GNPDA1: variants seen among roughly 807,000 people sequenced by gnomAD.
GNPDA1 encodes glucosamine-6-phosphate deaminase 1, also known as GNPDA 1.
GNPDA1 carries 24 observed loss-of-function variants against 28.5 expected under a neutral mutation model. The ratio of observed to expected loss-of-function variants is 0.84; its 90% CI spans 0.61 to 1.19. The LOEUF is 1.19. Ranked by LOEUF, GNPDA1 falls within the 50% of genes most tolerant of loss-of-function variation. The pLI is 0.00. For missense variants in GNPDA1, 264 were observed against 367.3 expected (o/e 0.72, Z 2.30); for synonymous variants, 147 against 139.3 (o/e 1.06, Z -0.39).
In GNPDA1 at chr5:142,011,941, T is replaced by C. The variant is rs1245486560; in HGVS notation, c.95A>G (p.Glu32Gly). 6.2e-7 allele frequency: 1 copy of C among 1,613,958 alleles called. No individual in the cohort carries two copies. The highest frequency in any genetic ancestry group is 8.5e-7 in the Non-Finnish European group (1 of 1,179,966). ...NRIIQFNPGP[E>G]KYFTLGLPTG... ...GGGGAGCCCCAGGGTGAAGTACTTC[T>C]CTGGCCCTGGGTTAAACTGGATGAT... Residue 32 changes from glutamate to glycine, a missense_variant, in exon 2 of 7, where the codon GAG becomes GGG. Coordinates refer to ENST00000311337, the MANE Select transcript of GNPDA1 (RefSeq NM_005471.5).
chr5:142,012,109 G>A, intron 1 of GNPDA1, 68 bp from the exon 2 acceptor site: 3 of 1,476,632 alleles, frequency 2.0e-6, no homozygotes. Context: ...GATGGAGGTG[G>A]TGGGAGAAGC....
At chr5:142,007,264 G>A (rs1755831485) in intron 3 of GNPDA1, among the ~76,000 whole-genome samples, 1 of 152,058 alleles carries the variant, frequency 6.6e-6, no homozygotes, top group Non-Finnish European at 1.5e-5. Flanking sequence ...TTTAAAAAAA[G>A]GATGTTTAAA....
intron 2 of GNPDA1, among the ~76,000 whole-genome samples, chr5:142,008,843 A>T (rs1755870534): frequency 6.6e-6 from 1 of 152,238 alleles, no homozygotes; most frequent in Non-Finnish European, 1.5e-5. Flanking sequence ...TTAATTTTTT[A>T]AAAACCAACC....
Position 142,003,105 on chromosome 5 carries a change from G to A in GNPDA1, c.752C>T (p.Thr251Ile). 1 of 1,613,446 alleles carries A rather than the reference G, an allele frequency of 6.2e-7. No homozygotes were observed. Among genetic ancestry groups the A allele is most frequent in the South Asian group, 1.1e-5 (1 of 90,968 alleles). The part of the protein sequence containing the change: ...EDATLELKVK[T>I]VKYFKGLMLV... Reference sequence around the variant, plus strand: ...TCCCTCACCTTTGAAATACTTGACAGTCTTCACTTTCAGCTCCAAGGTGGC... The same window carrying A: ...TCCCTCACCTTTGAAATACTTGACAATCTTCACTTTCAGCTCCAAGGTGGC... The change falls in exon 6 of 7, where the codon ACT becomes ATT. Residue 251 changes from threonine to isoleucine, a missense_variant. By Grantham distance (89) the Thr-to-Ile change is moderately conservative. Transcript: ENST00000311337. The surrounding 1 kb of genome is among the most constrained non-coding windows in gnomAD (Gnocchi z 4.0).
rs757135705 is a variant in GNPDA1 at position 142,004,947 on chromosome 5, G to A, written c.579C>T (p.Val193=). 4 of 1,606,268 alleles carry A rather than the reference G, an allele frequency of 2.5e-6. No homozygotes were observed. The highest frequency in any genetic ancestry group is 3.4e-6 in the Non-Finnish European group (4 of 1,173,788). Residue 193 remains valine, a synonymous_variant, in exon 5 of 7, where the codon GTC becomes GTT. Coordinates refer to ENST00000311337, the MANE Select transcript of GNPDA1 (RefSeq NM_005471.5). ...TMALTVGVGT[V]MDAREVMILI... is the part of the protein sequence containing the mutation. ...ATGCCCTTACCTCTCTAGCATCCAT[G>A]ACAGTGCCCACCCCCACCGTCAAGG...
At position 142,003,364 on chromosome 5, in the gene GNPDA1, A is replaced by G; in HGVS notation, c.595-102T>C. 2 of 773,514 alleles carry G rather than the reference A, an allele frequency of 2.6e-6. No homozygotes were observed. The highest frequency in any genetic ancestry group is 2.1e-6 in the Non-Finnish European group (1 of 474,782). 47.9% of individuals were successfully genotyped at this position (773,514 alleles called of 1,614,324 possible). On this transcript the variant is annotated intron_variant, in intron 5 of 6. Coordinates refer to ENST00000311337, the MANE Select transcript of GNPDA1 (RefSeq NM_005471.5). The surrounding 1 kb of genome is among the most constrained non-coding windows in gnomAD (Gnocchi z 4.0). The stretch of plus-strand genomic sequence containing the variant: ...TCATATCACATTGTAAGTGGTTACC[A>G]TGCAACATACTTTTGCTCAGTGCTC...
At position 142,000,701 on chromosome 5, in the gene GNPDA1, T is replaced by C. The variant is rs895089541; in HGVS notation, c.*1328A>G. On this transcript the variant is annotated 3_prime_UTR_variant, in exon 7 of 7. Coordinates refer to ENST00000311337, the MANE Select transcript of GNPDA1 (RefSeq NM_005471.5). ...TGAAAATACTGGATTTAATAGAAAATATCACATTGTAAACAAATCCATTGA... is the reference window on the plus strand; with the variant it reads ...TGAAAATACTGGATTTAATAGAAAACATCACATTGTAAACAAATCCATTGA... The C allele has an allele frequency of 6.6e-6, 1 of 152,274 alleles. No individual in the cohort carries two copies. Among genetic ancestry groups the C allele is most frequent in the Non-Finnish European group, 1.5e-5 (1 of 68,034 alleles). 9.4% of individuals were successfully genotyped at this position (152,274 alleles called of 1,614,324 possible).
chr5:142,011,697 T>C (rs987427057), intron 2 of GNPDA1, among the ~76,000 whole-genome samples: 16 of 152,204 alleles, frequency 1.1e-4, no homozygotes, highest in Non-Finnish European at 2.4e-4. Context: ...CAAGATCCCT[T>C]CTGCTCCAGG....
rs151086311 is a variant in GNPDA1, at chr5:142,010,734, A to G, written c.124+1178T>C. On this transcript the variant is annotated intron_variant, in intron 2 of 6. Transcript: ENST00000311337. ...TTGCCATGTTGCCCAGGCTAATCTC[A>G]AACTCCTGGGCTCCAGCAATCTGCC... Among the ~76,000 whole-genome samples the G allele has an allele frequency of 7.1e-3, 1,073 of 150,870 alleles. 13 individuals are homozygous for G. Among genetic ancestry groups the G allele is most frequent in the African/African-American group, 0.024 (993 of 41,094 alleles).
chr5:142,008,876 T>C (rs966107842), intron 2 of GNPDA1, among the ~76,000 whole-genome samples: 3 of 152,164 alleles, frequency 2.0e-5, no homozygotes, highest in Non-Finnish European at 4.4e-5. Flanking sequence ...ATGTGGACAA[T>C]TGAGAAAAAA....
At chr5:142,008,307 C>CTATT (rs76797090) in intron 2 of GNPDA1, among the ~76,000 whole-genome samples, 32,474 of 152,054 alleles carry the variant, frequency 0.21, 3,939 homozygotes, top group African/African-American at 0.33. Context: ...AGATAACTCA[C>CTATT]TAGGAGTAGA....
chr5:142,012,702 C>T (rs1755993137), intron 1 of GNPDA1: 3 of 977,504 alleles, frequency 3.1e-6, no homozygotes, highest in Non-Finnish European at 3.6e-6. Context: ...TCTTCAGTTT[C>T]CCCCAAAGCA....
intron 1 of GNPDA1, chr5:142,012,290 C>G (rs1404351306): frequency 2.9e-6 from 1 of 349,338 alleles, no homozygotes; most frequent in Non-Finnish European, 5.3e-6. Flanking sequence ...TCACTTACCA[C>G]CTGCAGGACC....
rs765498724 is a variant in GNPDA1 at position 142,003,732 on chromosome 5, A to G, written c.595-470T>C. On this transcript the variant is annotated intron_variant, in intron 5 of 6. Transcript: ENST00000311337. The surrounding 1 kb of genome is among the most constrained non-coding windows in gnomAD (Gnocchi z 4.0). Reference sequence around the variant, plus strand: ...TGGGGCCTCTAAGGCTGAATCCCAGAAAGGTTGCCCCATTATCTGGTCACT... The same window carrying G: ...TGGGGCCTCTAAGGCTGAATCCCAGGAAGGTTGCCCCATTATCTGGTCACT... Among the ~76,000 whole-genome samples the G allele has an allele frequency of 1.3e-5, 2 of 152,220 alleles. No individual in the cohort carries two copies. The highest frequency in any genetic ancestry group is 2.9e-5 in the Non-Finnish European group (2 of 68,032).
chr5:142,002,217 A>ACAC, intron 6 of GNPDA1, 88 bp from the exon 7 acceptor site: 1 of 690,298 alleles, frequency 1.4e-6, no homozygotes, highest in South Asian at 1.8e-5. Context: ...GAGCTCTCAA[A>ACAC]TTTTGTCTTA....
intron 2 of GNPDA1, among the ~76,000 whole-genome samples, chr5:142,011,109 G>C (rs1755941716): frequency 6.6e-6 from 1 of 151,960 alleles, no homozygotes; most frequent in Non-Finnish European, 1.5e-5. Context: ...ACCATGCCAG[G>C]CTAATTATAG....
At chr5:142,004,134 T>C (rs906590337) in intron 5 of GNPDA1, among the ~76,000 whole-genome samples, 4 of 152,152 alleles carry the variant, frequency 2.6e-5, no homozygotes, top group Admixed American at 2.6e-4. Flanking sequence ...GATGCCCTCA[T>C]GATAAAGACG....
In GNPDA1 at chr5:142,006,239, TG is replaced by T; in HGVS notation, c.313del (p.His105ThrfsTer55). ...KHIDIHPENTHILDGNAVDLQ... is the reference protein window; with the variant it reads ...KHIDIHPENTXILDGNAVDLQ... ...GTCGACTGCATTCCCATCCAGAATG[TG>T]GGTGTTTTCTGGGTGGATGTCAATG... On this transcript the variant is annotated frameshift_variant, in exon 4 of 7. Coordinates refer to ENST00000311337, the MANE Select transcript of GNPDA1 (RefSeq NM_005471.5). LOFTEE classifies it high-confidence loss of function. 6.2e-7 allele frequency: 1 copy of T among 1,613,566 alleles called. No individual in the cohort carries two copies. The highest frequency in any genetic ancestry group is 8.5e-7 in the Non-Finnish European group (1 of 1,179,428).
chr5:142,006,591 TTCTGA>T (rs138417142), intron 3 of GNPDA1, among the ~76,000 whole-genome samples: 17,778 of 152,100 alleles, frequency 0.12, 1,357 homozygotes, highest in African/African-American at 0.22. Flanking sequence ...AATCCCCACA[TTCTGA>T]TCTGATCTGC....
Sources: allele counts gnomAD v4.1 joint callset (sites outside exome capture counted in the v4.1 genomes callset), GRCh38; gene constraint gnomAD v4.1.1; non-coding constraint Gnocchi (gnomAD v3.1); transcripts MANE v1.5; gene names NCBI Gene and HGNC (gene_info 2026-07-23, HGNC 2026-07-21).